ZFP64: variants seen among roughly 807,000 people sequenced by gnomAD.
The protein encoded by ZFP64 is zinc finger protein 64.
ZFP64 carries 14 observed loss-of-function variants against 51.6 expected under a neutral mutation model. That is an observed-to-expected ratio of 0.27 (90% CI 0.18 to 0.42). The LOEUF is 0.42. ZFP64 is among the 10% of genes least tolerant of loss of function. ZFP64 has a pLI of 1.00. For missense variants in ZFP64, 754 were observed against 906.8 expected (o/e 0.83, Z 2.16); for synonymous variants, 375 against 361.4 (o/e 1.04, Z -0.43).
chr20:52,120,121 T>A (rs1295545806), intron 5 of ZFP64, among the ~76,000 whole-genome samples: 1 of 152,086 alleles, frequency 6.6e-6, no homozygotes, highest in East Asian at 1.9e-4. Flanking sequence ...CCACCATGTG[T>A]GGACACAGCT....
At chr20:52,094,651 C>T (rs939233499) in intron 7 of ZFP64, among the ~76,000 whole-genome samples, 1 of 152,106 alleles carries the variant, frequency 6.6e-6, no homozygotes, top group East Asian at 1.9e-4. Flanking sequence ...CCCAGCTATT[C>T]AAGAAGCAGA....
In ZFP64 at chr20:52,164,699, G is replaced by A. The variant is rs774845343; in HGVS notation, c.507C>T (p.His169=). The change falls in exon 4 of 6, where the codon CAC becomes CAT. Residue 169 remains histidine (H), a synonymous_variant. Transcript: ENST00000216923. ...CGCTAAAGAAATGCTACTTACCCGT[G>A]TGAATTTTTAAATGCCGCTCCATGT... ...MKDMERHLKI[H]TGDKPHKCEV... is the part of the protein sequence containing the mutation. 2 of 1,613,636 alleles carry A rather than the reference G, an allele frequency of 1.2e-6. No individual in the cohort carries two copies. The highest frequency in any genetic ancestry group is 8.5e-7 in the Non-Finnish European group (1 of 1,179,806).
chr20:52,119,964 C>T (rs1032091388), intron 5 of ZFP64, among the ~76,000 whole-genome samples: 1 of 152,004 alleles, frequency 6.6e-6, no homozygotes, highest in African/African-American at 2.4e-5. Context: ...TTTGTGCCTC[C>T]CCACAATTCA....
downstream of ZFP64, among the ~76,000 whole-genome samples, chr20:52,150,767 A>G (rs16996504): frequency 0.092 from 14,025 of 152,278 alleles, 786 homozygotes; most frequent in African/African-American, 0.14. Flanking sequence ...CTGACAGCAG[A>G]AATGAGTGCT....
At chr20:52,123,492 C>T (rs567212285) in intron 5 of ZFP64, among the ~76,000 whole-genome samples, 2 of 152,260 alleles carry the variant, frequency 1.3e-5, no homozygotes, top group East Asian at 3.9e-4. Flanking sequence ...CAGTCAGCAG[C>T]CATCGACCTC....
At position 52,153,656 on chromosome 20, in the gene ZFP64, T is replaced by C. The variant is rs1266037660; in HGVS notation, c.764-228A>G. On this transcript the variant is annotated intron_variant, in intron 5 of 5. Coordinates refer to ENST00000216923, the MANE Select transcript of ZFP64 (RefSeq NM_018197.3). The surrounding 1 kb of genome is among the most constrained non-coding windows in gnomAD (Gnocchi z 5.1). The stretch of plus-strand genomic sequence containing the variant: ...TCAAACCCAGAAGAAAAATGGGAGA[T>C]CGAAAAGAGCAATTTAATTGTCCCA... Among the ~76,000 whole-genome samples, 1 of 152,030 alleles carries C rather than the reference T, an allele frequency of 6.6e-6. No homozygotes were observed. Among genetic ancestry groups the C allele is most frequent in the Non-Finnish European group, 1.5e-5 (1 of 68,022 alleles).
chr20:52,089,781 G>T (rs1186200877), intron 7 of ZFP64, among the ~76,000 whole-genome samples: 1 of 151,448 alleles, frequency 6.6e-6, no homozygotes, highest in Non-Finnish European at 1.5e-5. Context: ...GTAAACTATG[G>T]TCTTTGGTTG....
chr20:52,149,936 C>T (rs764769954), downstream of ZFP64, among the ~76,000 whole-genome samples: 4 of 152,056 alleles, frequency 2.6e-5, no homozygotes, highest in Non-Finnish European at 5.9e-5. Context: ...GGGCCAGGTA[C>T]GGTGGCTCAC....
chr20:52,141,995 A>C (rs1980275947), intron 5 of ZFP64, among the ~76,000 whole-genome samples: 1 of 152,192 alleles, frequency 6.6e-6, no homozygotes, highest in African/African-American at 2.4e-5. Flanking sequence ...GAGCTCAATA[A>C]TATTTATACA....
At position 52,151,310 on chromosome 20, in the gene ZFP64, A is replaced by G. The variant is rs1980779273; in HGVS notation, c.*836T>C. ...TAATCAGATATCAATTTATTATGGA[A>G]CCATTCATTTTCTGCTCATTAGCAC... On this transcript the variant is annotated 3_prime_UTR_variant, in exon 6 of 6. Coordinates refer to ENST00000216923, the MANE Select transcript of ZFP64 (RefSeq NM_018197.3). 3.0e-6 allele frequency: 3 copies of G among 985,252 alleles called. No individual in the cohort carries two copies. Among genetic ancestry groups the G allele is most frequent in the Non-Finnish European group, 3.6e-6 (3 of 829,778 alleles). 61.0% of individuals were successfully genotyped at this position (985,252 alleles called of 1,614,324 possible).
chr20:52,134,243 C>T (rs929063806), intron 5 of ZFP64, among the ~76,000 whole-genome samples: 1 of 152,114 alleles, frequency 6.6e-6, no homozygotes, highest in Admixed American at 6.5e-5. Flanking sequence ...GCTAGATCTA[C>T]TCCTGATTTA....
Position 52,191,663 on chromosome 20 carries a change from G to T in ZFP64, c.-27C>A, listed in dbSNP as rs747719018. On this transcript the variant is annotated 5_prime_UTR_variant, in exon 1 of 6. Transcript: ENST00000216923. The surrounding 1 kb of genome is among the most constrained non-coding windows in gnomAD (Gnocchi z 4.3). Reference sequence around the variant, plus strand: ...GCCGCAGACTGGGAGGTCCCCGGCCGGCCGGGATGCCAAAGTGGGGGACGC... The same window carrying T: ...GCCGCAGACTGGGAGGTCCCCGGCCTGCCGGGATGCCAAAGTGGGGGACGC... The T allele has an allele frequency of 1.3e-6, 2 of 1,573,114 alleles. No homozygotes were observed. Among genetic ancestry groups the T allele is most frequent in the African/African-American group, 1.4e-5 (1 of 72,574 alleles).
chr20:52,150,684 T>A (rs1261930485), downstream of ZFP64, among the ~76,000 whole-genome samples: 1 of 152,212 alleles, frequency 6.6e-6, no homozygotes, highest in Non-Finnish European at 1.5e-5. Context: ...GGTAGAAATG[T>A]ATCTAAGTAT....
intron 1 of ZFP64, among the ~76,000 whole-genome samples, chr20:52,189,377 C>T (rs1984206457): frequency 6.7e-6 from 1 of 149,072 alleles, no homozygotes; most frequent in Non-Finnish European, 1.5e-5. Context: ...AGCCTGGTGA[C>T]AGCGAGACTT....
At chr20:52,148,399 A>G (rs1270913238), downstream of ZFP64, among the ~76,000 whole-genome samples, 1 of 152,194 alleles carries the variant, frequency 6.6e-6, no homozygotes, top group Non-Finnish European at 1.5e-5. Context: ...GGACAGTCAA[A>G]CCTGTTCATC....
intron 5 of ZFP64, chr20:52,105,352 T>A: frequency 8.0e-7 from 1 of 1,245,132 alleles, no homozygotes; most frequent in Non-Finnish European, 1.0e-6. Flanking sequence ...CCGGCAATTC[T>A]GCTCATCAGC....
chr20:52,149,138 C>T (rs1037960209), downstream of ZFP64, among the ~76,000 whole-genome samples: 9 of 152,142 alleles, frequency 5.9e-5, no homozygotes, highest in African/African-American at 2.2e-4. Context: ...CATTTTCACG[C>T]AGCAGAGTGA....
Position 52,098,302 on chromosome 20 carries a change from G to A in ZFP64, c.913+136C>T, listed in dbSNP as rs79720914. The A allele has an allele frequency of 1.9e-5, 24 of 1,244,050 alleles. No individual in the cohort carries two copies. In the East Asian group the frequency reaches 5.6e-4, roughly 29 times the overall value. The allele number at this position is 1,244,050 out of a possible 1,614,324, so 77.1% of individuals were successfully genotyped here. A position where few individuals can be genotyped will look rare whatever the true frequency, so the allele number is the denominator to read the frequency against. On this transcript the variant is annotated intron_variant, in intron 6 of 8. Coordinates refer to the ZFP64 transcript ENST00000361387. Reference sequence around the variant, plus strand: ...CCTCTTAGGCCCCCCAGGGAAGGCTGTTGTGTGCTGATGTAGATACTGGCA... The same window carrying A: ...CCTCTTAGGCCCCCCAGGGAAGGCTATTGTGTGCTGATGTAGATACTGGCA...
At chr20:52,163,791 TA>T (rs1271851880) in intron 4 of ZFP64, among the ~76,000 whole-genome samples, 1 of 151,984 alleles carries the variant, frequency 6.6e-6, no homozygotes, top group Non-Finnish European at 1.5e-5. Context: ...TAACACTTGT[TA>T]AAAAAAAGTC....
Sources: allele counts gnomAD v4.1 joint callset (sites outside exome capture counted in the v4.1 genomes callset), GRCh38; gene constraint gnomAD v4.1.1; non-coding constraint Gnocchi (gnomAD v3.1); transcripts MANE v1.5; gene names NCBI Gene and HGNC (gene_info 2026-07-23, HGNC 2026-07-21).